ADGRA1: variants seen among roughly 807,000 people sequenced by gnomAD.
ADGRA1 encodes adhesion G protein-coupled receptor A1, also known as G-protein coupled receptor 123.
A neutral mutation model predicts 21.3 loss-of-function variants in ADGRA1; 12 were observed. The ratio of observed to expected loss-of-function variants is 0.56; its 90% CI spans 0.36 to 0.91. The LOEUF (loss-of-function observed/expected upper bound fraction) is 0.91, where lower values mean the gene tolerates loss of function less well. Ranked by LOEUF, ADGRA1 falls within the 40% of genes least tolerant of loss-of-function variation. The pLI is 0.01. For missense variants in ADGRA1, 790 were observed against 805.6 expected (o/e 0.98, Z 0.23); for synonymous variants, 385 against 368.8 (o/e 1.04, Z -0.50).
chr10:133,112,720 G>GCCGTGTCGGTTATTTGAGGTCTGCGGA (rs1852074145), intron 5 of ADGRA1, among the ~76,000 whole-genome samples: 1 of 149,632 alleles, frequency 6.7e-6, no homozygotes, highest in Non-Finnish European at 1.5e-5. Context: ...GGGTCTGCGG[G>GCCGTGTCGGTTATTTGAGGTCTGCGGA]CCGCGTCGGT....
Position 133,128,351 on chromosome 10 carries a change from AGCCTGGGC to A in ADGRA1, c.528_535del (p.Gly177LeufsTer132). ...CAGCTGCTGGATGGCCTGGGAGCCC[AGCCTGGGC>A]GCCTTCTACGGCCCAGCCGCCATCA... On this transcript the variant is annotated frameshift_variant, in exon 7 of 7. Coordinates refer to ENST00000392607, the MANE Select transcript of ADGRA1 (RefSeq NM_001083909.3). LOFTEE classifies it low-confidence loss of function (END_TRUNC). The A allele has an allele frequency of 6.4e-7, 1 of 1,557,768 alleles. No homozygotes were observed. Among genetic ancestry groups the A allele is most frequent in the South Asian group, 1.2e-5 (1 of 82,800 alleles).
chr10:133,107,972 G>T lies in ADGRA1; in HGVS notation c.401+5130G>T, dbSNP rs7075206. 4.8e-3 allele frequency among the ~76,000 whole-genome samples: 732 copies of T among 152,340 alleles called. 7 individuals carry two copies. The highest frequency in any genetic ancestry group is 0.017 in the African/African-American group (708 of 41,570). On this transcript the variant is annotated intron_variant, in intron 5 of 6. Transcript: ENST00000392607. The stretch of plus-strand genomic sequence containing the variant: ...TTTTCATTTCTTTTCTGTGATTTGG[G>T]TACAGCAGAGGGGTGTGAGGGAGTG...
At chr10:133,100,420 C>T (rs368553771) in intron 4 of ADGRA1, among the ~76,000 whole-genome samples, 60 of 152,350 alleles carry the variant, frequency 3.9e-4, no homozygotes, top group Middle Eastern at 3.4e-3. Flanking sequence ...GCTGGATCCG[C>T]GGGTGAGGCC....
intron 5 of ADGRA1, among the ~76,000 whole-genome samples, chr10:133,110,666 A>G (rs894005065): frequency 1.3e-5 from 2 of 152,234 alleles, no homozygotes; most frequent in Non-Finnish European, 2.9e-5. Context: ...GAAAAAGAAT[A>G]AGGGCAAATA....
chr10:133,114,040 T>C (rs1852110913), intron 5 of ADGRA1, among the ~76,000 whole-genome samples: 2 of 152,194 alleles, frequency 1.3e-5, no homozygotes, highest in African/African-American at 4.8e-5. Flanking sequence ...ACACCATGAG[T>C]ACCTCCGTCT....
chr10:133,095,548 G>C lies in ADGRA1; in HGVS notation c.4-1426G>C, dbSNP rs186088495. The C allele has an allele frequency of 1.1e-3, 1,556 of 1,353,504 alleles. 20 individuals carry two copies. The African/African-American group carries it at 0.021, about 18-fold the overall frequency. 83.8% of individuals were successfully genotyped at this position (1,353,504 alleles called of 1,614,324 possible). On this transcript the variant is annotated intron_variant, in intron 2 of 6. Transcript: ENST00000392607. ...CACAGGTCCAGGCTCCTCGTCCCGG[G>C]ATGCAGGGCCCCTCCGGTGCCCGCC...
intron 2 of ADGRA1, among the ~76,000 whole-genome samples, chr10:133,093,586 C>A (rs974126428): frequency 1.3e-5 from 2 of 152,226 alleles, no homozygotes; most frequent in African/African-American, 4.8e-5. Flanking sequence ...GCAACCTGGG[C>A]CATCCTGCGG....
At chr10:133,104,039 G>C (rs558038790) in intron 5 of ADGRA1, among the ~76,000 whole-genome samples, 1 of 152,356 alleles carries the variant, frequency 6.6e-6, no homozygotes, top group South Asian at 2.1e-4. Context: ...ACCCGGTGCT[G>C]GCGCACGGAC....
At chr10:133,095,593 C>A in intron 2 of ADGRA1, 2 of 1,536,286 alleles carry the variant, frequency 1.3e-6, no homozygotes, top group South Asian at 2.4e-5. Context: ...CTGTTCGAAC[C>A]CTGGGGCAGG....
chr10:133,128,613 C>T lies in ADGRA1; in HGVS notation c.785C>T (p.Thr262Met), dbSNP rs752801010. 16 of 1,604,088 alleles carry T rather than the reference C, an allele frequency of 1.0e-5. No homozygotes were observed. The highest frequency in any genetic ancestry group is 1.7e-5 in the Admixed American group (1 of 59,348). ...GCACAGCTGCGCGCCGCCGCCTTCA[C>T]GCTGTTCCTGTTCACGGCCACGTGG... ...FQAQLRAAAF[T>M]LFLFTATWAF... The change falls in exon 7 of 7, where the codon ACG (threonine) becomes ATG (methionine). Residue 262 changes from threonine (T) to methionine (M), a missense_variant. Physicochemically the swap from Thr to Met is moderately conservative, Grantham distance 81. This residue lies in a region of ADGRA1 where 382 missense variants were observed against 415.6 expected (regional missense o/e 0.92). Transcript: ENST00000392607.
chr10:133,104,785 G>A (rs1321541155), intron 5 of ADGRA1, among the ~76,000 whole-genome samples: 3 of 152,190 alleles, frequency 2.0e-5, no homozygotes, highest in East Asian at 1.9e-4. Context: ...CCCTGAGGCA[G>A]GTGCAGACTC....
chr10:133,122,542 CTTCTT>C (rs1373762229), intron 5 of ADGRA1, among the ~76,000 whole-genome samples: 4 of 152,248 alleles, frequency 2.6e-5, no homozygotes, highest in Non-Finnish European at 5.9e-5. Context: ...TTGTCTCTTT[CTTCTT>C]TTCTTTCCTT....
chr10:133,118,669 CT>C (rs970939877), intron 5 of ADGRA1, among the ~76,000 whole-genome samples: 14 of 152,218 alleles, frequency 9.2e-5, no homozygotes, highest in Admixed American at 3.9e-4. Flanking sequence ...AAGCCGCCCC[CT>C]GATCCAGTCA....
chr10:133,118,855 GCACA>G (rs545430073), intron 5 of ADGRA1, among the ~76,000 whole-genome samples: 1 of 152,004 alleles, frequency 6.6e-6, no homozygotes, highest in Non-Finnish European at 1.5e-5. Context: ...TCTTCAGTGT[GCACA>G]CACACATCAC....
intron 2 of ADGRA1, chr10:133,095,628 C>G (rs770638501): frequency 1.9e-6 from 3 of 1,581,966 alleles, no homozygotes; most frequent in Non-Finnish European, 2.6e-6. Flanking sequence ...CTTTGACTGT[C>G]AGCCAGTCCC....
chr10:133,098,876 C>T (rs1851737508), intron 4 of ADGRA1, 113 bp downstream of exon 4: 12 of 1,369,486 alleles, frequency 8.8e-6, no homozygotes, highest in Admixed American at 2.1e-5. Flanking sequence ...GGAAGAGGGT[C>T]GGACCCTGGC....
intron 5 of ADGRA1, among the ~76,000 whole-genome samples, chr10:133,121,858 A>C (rs1209041150): frequency 2.1e-5 from 2 of 94,688 alleles, no homozygotes; most frequent in African/African-American, 8.7e-5. Context: ...TGCGTGTGTG[A>C]ATGAGTGCCT....
intron 3 of ADGRA1, among the ~76,000 whole-genome samples, chr10:133,098,315 C>T (rs1851724992): frequency 6.6e-6 from 1 of 152,178 alleles, no homozygotes; most frequent in South Asian, 2.1e-4. Flanking sequence ...GCCTCTATCT[C>T]TGAGACAGTG....
rs1295249146 is a variant in ADGRA1, at chr10:133,128,470, G to T, written c.642G>T (p.Gln214His). The T allele has an allele frequency of 3.2e-6, 5 of 1,583,694 alleles. No homozygotes were observed. Among genetic ancestry groups the T allele is most frequent in the Middle Eastern group, 3.4e-4 (2 of 5,820 alleles). ...HPGRRYELRT[Q>H]PEEQRRLATP... The stretch of plus-strand genomic sequence containing the variant: ...GGCGCAGGTACGAGCTGCGCACACA[G>T]CCCGAGGAGCAGCGGCGGCTGGCGA... The change falls in exon 7 of 7, where the codon CAG becomes CAT. Residue 214 changes from glutamine (Q) to histidine (H), a missense_variant. This residue lies in a region of ADGRA1 where 382 missense variants were observed against 415.6 expected (regional missense o/e 0.92). Transcript: ENST00000392607.
Sources: allele counts gnomAD v4.1 joint callset (sites outside exome capture counted in the v4.1 genomes callset), GRCh38; gene constraint gnomAD v4.1.1; regional missense constraint gnomAD v4.1.1; transcripts MANE v1.5; gene names NCBI Gene and HGNC (gene_info 2026-07-23, HGNC 2026-07-21).